The following ANKRD36C variants were observed in gnomAD, a reference collection of about 807,000 sequenced individuals.
ANKRD36C encodes the protein ankyrin repeat domain 36C, also known as ankyrin repeat domain-containing protein 36C.
A neutral mutation model predicts 276.4 loss-of-function variants in ANKRD36C; 61 were observed. The observed-to-expected ratio is 0.22, with a 90% CI of 0.18 to 0.27. The LOEUF (loss-of-function observed/expected upper bound fraction) is 0.27, where lower values mean the gene tolerates loss of function less well. Among genes scored for constraint, ANKRD36C ranks in the 10% least tolerant of loss-of-function variants. The pLI, the probability that ANKRD36C is intolerant of heterozygous loss-of-function variation, is 1.00. For synonymous variants in ANKRD36C, 483 were observed against 680.1 expected (o/e 0.71, Z 4.51); for missense variants, 1,447 against 2,032.3 (o/e 0.71, Z 5.54).
intron 44 of ANKRD36C, among the ~76,000 whole-genome samples, chr2:95,896,512 T>C (rs1676556135): frequency 6.7e-6 from 1 of 149,846 alleles, no homozygotes; most frequent in African/African-American, 2.5e-5. Flanking sequence ...AAGAGGTAGC[T>C]CCTTGAACAA....
rs4063020 is a variant in ANKRD36C at position 95,892,895 on chromosome 2, A to AGTGT, written c.2756-1039_2756-1036dup. 9.9e-5 allele frequency among the ~76,000 whole-genome samples: 15 copies of AGTGT among 151,258 alleles called. No homozygotes were observed. The South Asian group carries it at 2.3e-3, about 23-fold the overall frequency. ...TAGTAACAAAGAGGAGTAATGAGTC[A>AGTGT]GTGTGTTTTTATGCCAATTCTAGGA... On this transcript the variant is annotated intron_variant, in intron 44 of 66. Transcript: ENST00000456556.
intron 13 of ANKRD36C, among the ~76,000 whole-genome samples, chr2:95,956,452 C>T (rs1160444111): frequency 6.6e-6 from 1 of 152,188 alleles, no homozygotes; most frequent in East Asian, 1.9e-4. Context: ...ACCGTGATCG[C>T]ATTGCTGCAT....
At chr2:95,925,408 T>A in exon 30 of ANKRD36C, 1 of 1,559,548 alleles carries the variant, frequency 6.4e-7, no homozygotes, top group South Asian at 1.2e-5. Context: ...AAGAGAAACT[T>A]TCTTTTTAAA....
chr2:95,910,533 T>A lies in ANKRD36C; in HGVS notation c.2653+1711A>T, dbSNP rs1158824364. ...CTCGTTCACAATATAAATGAGAGTTTCATTACCTTCAAGGCTGGTGGTTTC... is the reference window on the plus strand; with the variant it reads ...CTCGTTCACAATATAAATGAGAGTTACATTACCTTCAAGGCTGGTGGTTTC... On this transcript the variant is annotated intron_variant, in intron 42 of 66. Transcript: ENST00000456556. 6.2e-7 allele frequency: 1 copy of A among 1,606,660 alleles called. No homozygotes were observed. Among genetic ancestry groups the A allele is most frequent in the Non-Finnish European group, 8.5e-7 (1 of 1,176,878 alleles).
intron 19 of ANKRD36C, among the ~76,000 whole-genome samples, chr2:95,942,283 G>A (rs1677915422): frequency 6.6e-6 from 1 of 151,652 alleles, no homozygotes; most frequent in Admixed American, 6.6e-5. Context: ...AACAAAATAT[G>A]GGATTCAAAA....
intron 14 of ANKRD36C, among the ~76,000 whole-genome samples, chr2:95,953,181 T>C (rs1356359890): frequency 6.6e-6 from 1 of 152,110 alleles, no homozygotes; most frequent in Non-Finnish European, 1.5e-5. Context: ...GAAAACACAG[T>C]GTAAACTCTC....
chr2:95,956,805 C>T, exon 13 of ANKRD36C: 1 of 1,533,892 alleles, frequency 6.5e-7, no homozygotes, highest in Non-Finnish European at 8.7e-7. Context: ...CACTGTTCAA[C>T]AGCAGGAAGC....
exon 3 of ANKRD36C, chr2:95,986,769 A>G: frequency 6.2e-7 from 1 of 1,611,984 alleles, no homozygotes; most frequent in Non-Finnish European, 8.5e-7. Flanking sequence ...ATTCTTCAAT[A>G]TTTGCACCAT....
chr2:95,893,225 C>T (rs1296557610), intron 44 of ANKRD36C, among the ~76,000 whole-genome samples: 1 of 151,328 alleles, frequency 6.6e-6, no homozygotes, highest in African/African-American at 2.4e-5. Flanking sequence ...TCTCCTTCCA[C>T]CCTTACTGAA....
At chr2:95,924,523 C>T (rs985022806) in intron 30 of ANKRD36C, among the ~76,000 whole-genome samples, 2 of 151,440 alleles carry the variant, frequency 1.3e-5, no homozygotes, top group Non-Finnish European at 3.0e-5. Context: ...TTTTTGTCTG[C>T]AAAATTAGTC....
At position 95,910,375 on chromosome 2, in the gene ANKRD36C, G is replaced by T. The variant is rs763343795; in HGVS notation, c.2653+1869C>A. 7.2e-6 allele frequency: 11 copies of T among 1,538,392 alleles called. No homozygotes were observed. The Admixed American group carries it at 2.2e-4, about 30-fold the overall frequency. The stretch of plus-strand genomic sequence containing the variant: ...ATTAAATCTGTTTTCAAAATTACCT[G>T]TCCTAGATTTTTCTCCATCCTTTTC... On this transcript the variant is annotated intron_variant, in intron 42 of 66. Coordinates refer to ENST00000456556, the Ensembl canonical transcript of ANKRD36C.
At chr2:95,983,469 A>G (rs1161395743) in intron 3 of ANKRD36C, among the ~76,000 whole-genome samples, 1 of 151,544 alleles carries the variant, frequency 6.6e-6, no homozygotes, top group African/African-American at 2.4e-5. Context: ...AACTTTTTTT[A>G]TTTTAGGTAA....
chr2:95,865,396 C>G (rs1295404417), intron 60 of ANKRD36C, among the ~76,000 whole-genome samples: 1 of 151,902 alleles, frequency 6.6e-6, no homozygotes, highest in East Asian at 1.9e-4. Flanking sequence ...CTAGCACAGT[C>G]AAAACAGAAC....
chr2:95,974,701 G>A (rs982219464), intron 6 of ANKRD36C, among the ~76,000 whole-genome samples: 8 of 151,778 alleles, frequency 5.3e-5, no homozygotes, highest in African/African-American at 1.7e-4. Context: ...TGTGCACAAC[G>A]TGAAGGTTTG....
At chr2:95,871,720 G>A (rs1044569832) in intron 59 of ANKRD36C, among the ~76,000 whole-genome samples, 1 of 152,022 alleles carries the variant, frequency 6.6e-6, no homozygotes, top group Non-Finnish European at 1.5e-5. Flanking sequence ...ACACAGACTG[G>A]CAAATTGGAT....
At chr2:95,893,460 C>G in intron 44 of ANKRD36C, 73 bp downstream of exon 64, 1 of 1,523,532 alleles carries the variant, frequency 6.6e-7, no homozygotes, top group African/African-American at 1.4e-5. Flanking sequence ...GAGCCCCCCG[C>G]TGATTTATTT....
exon 1 of ANKRD36C, chr2:95,991,639 G>A: frequency 6.2e-7 from 1 of 1,614,066 alleles, no homozygotes; most frequent in South Asian, 1.1e-5. Context: ...GGGTATTGGG[G>A]AAATAAGAAG....
At chr2:95,955,877 A>T (rs201765383) in intron 13 of ANKRD36C, among the ~76,000 whole-genome samples, 1 of 152,110 alleles carries the variant, frequency 6.6e-6, no homozygotes, top group African/African-American at 2.4e-5. Flanking sequence ...TGAAATTCTA[A>T]GCACCTCTGA....
intron 58 of ANKRD36C, among the ~76,000 whole-genome samples, chr2:95,879,874 A>G (rs1170233167): frequency 6.9e-6 from 1 of 145,388 alleles, no homozygotes; most frequent in Non-Finnish European, 1.5e-5. Flanking sequence ...AAGTAGAAAC[A>G]TCTGAATAAA....
Sources: allele counts gnomAD v4.1 joint callset (sites outside exome capture counted in the v4.1 genomes callset), GRCh38; gene constraint gnomAD v4.1.1; transcripts MANE v1.5; gene names NCBI Gene and HGNC (gene_info 2026-07-23, HGNC 2026-07-21).